Variants in CTNNA3 observed in about 807,000 individuals in gnomAD.
CTNNA3 encodes catenin alpha-3.
Under a neutral mutation model 95.7 loss-of-function variants are expected in CTNNA3, and 76 were observed. That is an observed-to-expected ratio of 0.79 (90% CI 0.66 to 0.96). The LOEUF (loss-of-function observed/expected upper bound fraction) is 0.96. CTNNA3 is among the 40% of genes least tolerant of loss of function. CTNNA3 has a pLI of 0.00. For synonymous variants in CTNNA3, 431 were observed against 374.4 expected (o/e 1.15, Z -1.74); for missense variants, 1,191 against 1,089.8 (o/e 1.09, Z -1.31).
intron 2 of CTNNA3, among the ~76,000 whole-genome samples, chr10:67,632,479 A>G (rs1461888805): frequency 6.6e-6 from 1 of 152,148 alleles, no homozygotes; most frequent in African/African-American, 2.4e-5. Flanking sequence ...CTTCAACTGA[A>G]GTATCCAGGT....
intron 15 of CTNNA3, among the ~76,000 whole-genome samples, chr10:65,996,919 C>T (rs754273101): frequency 2.0e-5 from 3 of 152,058 alleles, no homozygotes; most frequent in African/African-American, 4.8e-5. Context: ...TTTAGTTTTT[C>T]TTTGTGGAGG....
chr10:67,625,516 T>C (rs1045469357), intron 2 of CTNNA3, among the ~76,000 whole-genome samples: 1 of 152,210 alleles, frequency 6.6e-6, no homozygotes, highest in African/African-American at 2.4e-5. Flanking sequence ...TCCATGAAAA[T>C]GGCTCATTAA....
At chr10:67,465,341 A>G (rs1385777951) in intron 5 of CTNNA3, among the ~76,000 whole-genome samples, 1 of 152,076 alleles carries the variant, frequency 6.6e-6, no homozygotes, top group African/African-American at 2.4e-5. Flanking sequence ...CATGCAATAG[A>G]AAGATGGTTT....
intron 7 of CTNNA3, among the ~76,000 whole-genome samples, chr10:67,128,880 C>T (rs1000956059): frequency 6.6e-6 from 1 of 152,042 alleles, no homozygotes; most frequent in Admixed American, 6.6e-5. Context: ...GGAATAACTA[C>T]ATCTAGTAAG....
At chr10:66,998,581 C>A (rs1377371382) in intron 7 of CTNNA3, among the ~76,000 whole-genome samples, 1 of 151,998 alleles carries the variant, frequency 6.6e-6, no homozygotes, top group Non-Finnish European at 1.5e-5. Context: ...GAAAGTGAGA[C>A]ACTTGTAGAG....
intron 5 of CTNNA3, among the ~76,000 whole-genome samples, chr10:67,352,850 C>T (rs1304044501): frequency 1.3e-5 from 2 of 152,002 alleles, no homozygotes; most frequent in Admixed American, 6.6e-5. Context: ...CTATCCTTTC[C>T]ATTCTATCCG....
chr10:67,452,499 A>C (rs1847026469), intron 5 of CTNNA3, among the ~76,000 whole-genome samples: 1 of 152,220 alleles, frequency 6.6e-6, no homozygotes, highest in Admixed American at 6.5e-5. Context: ...TAAGATATTA[A>C]ATTTCAAAGT....
intron 7 of CTNNA3, among the ~76,000 whole-genome samples, chr10:66,848,028 A>C (rs1171578671): frequency 6.6e-6 from 1 of 152,162 alleles, no homozygotes; most frequent in Non-Finnish European, 1.5e-5. Context: ...AGTGATGTGT[A>C]GGATGAACAT....
At chr10:66,084,027 C>T (rs1159804540) in intron 14 of CTNNA3, among the ~76,000 whole-genome samples, 3 of 150,204 alleles carry the variant, frequency 2.0e-5, no homozygotes, top group Admixed American at 6.7e-5. Context: ...CCTAGCTATT[C>T]GGGAGGCTGA....
chr10:66,061,686 G>T (rs2080202549), intron 15 of CTNNA3, among the ~76,000 whole-genome samples: 1 of 151,604 alleles, frequency 6.6e-6, no homozygotes, highest in South Asian at 2.1e-4. Context: ...CCCCTAAATG[G>T]ACGTGACTCA....
chr10:67,260,691 T>TG (rs963945366), intron 5 of CTNNA3, among the ~76,000 whole-genome samples: 2 of 152,036 alleles, frequency 1.3e-5, no homozygotes, highest in African/African-American at 2.4e-5. Context: ...TTGTTTTTTT[T>TG]TTGTTTTTTT....
intron 11 of CTNNA3, among the ~76,000 whole-genome samples, chr10:66,416,889 A>G (rs1333183558): frequency 1.3e-5 from 2 of 152,074 alleles, no homozygotes; most frequent in African/African-American, 2.4e-5. Flanking sequence ...AAGCAAACAT[A>G]CAAATGTGGA....
At chr10:67,673,019 G>A (rs1455104034) in intron 1 of CTNNA3, among the ~76,000 whole-genome samples, 10 of 151,166 alleles carry the variant, frequency 6.6e-5, no homozygotes, top group African/African-American at 1.5e-4. Flanking sequence ...ATTTGTTTGT[G>A]TCCTCTTTTA....
chr10:67,737,964 T>A (rs929092839), intron 1 of CTNNA3, among the ~76,000 whole-genome samples: 2 of 152,188 alleles, frequency 1.3e-5, no homozygotes, highest in African/African-American at 4.8e-5. Flanking sequence ...CAGGCACATG[T>A]CAGTACCCCC....
intron 3 of CTNNA3, among the ~76,000 whole-genome samples, chr10:67,553,901 C>A (rs554020150): frequency 2.0e-4 from 30 of 152,136 alleles, no homozygotes; most frequent in African/African-American, 5.5e-4. Flanking sequence ...TAATGCTATC[C>A]CTCCCCGTTC....
chr10:67,314,951 C>T (rs1312610810), intron 5 of CTNNA3, among the ~76,000 whole-genome samples: 2 of 152,188 alleles, frequency 1.3e-5, no homozygotes, highest in Non-Finnish European at 2.9e-5. Context: ...TTCTTGGCAG[C>T]ATTTGACACA....
intron 17 of CTNNA3, among the ~76,000 whole-genome samples, chr10:65,934,231 G>C (rs1220744373): frequency 1.3e-5 from 2 of 152,140 alleles, no homozygotes; most frequent in East Asian, 3.9e-4. Context: ...TCTATTTCCA[G>C]CCTAAAATAG....
intron 7 of CTNNA3, among the ~76,000 whole-genome samples, chr10:67,105,584 T>C (rs548396711): frequency 6.6e-6 from 1 of 152,152 alleles, no homozygotes; most frequent in Non-Finnish European, 1.5e-5. Context: ...TCCATAAATA[T>C]AATGCCCTAA....
intron 13 of CTNNA3, among the ~76,000 whole-genome samples, chr10:66,262,551 A>T (rs949095560): frequency 6.6e-6 from 1 of 151,980 alleles, no homozygotes. Context: ...TAAAAATCAA[A>T]TCAAGTTTTA....
Sources: gnomAD v4.1 joint callset for allele counts (sites outside exome capture counted in the v4.1 genomes callset) on GRCh38, gnomAD v4.1.1 for gene constraint, MANE v1.5 for transcripts, NCBI Gene and HGNC (gene_info 2026-07-23, HGNC 2026-07-21) for gene names.